PKP4: variants seen among roughly 807,000 people sequenced by gnomAD.
PKP4 encodes plakophilin 4, also known as plakophilin-4.
In PKP4, 90 loss-of-function variants were observed where a neutral mutation model predicts 145.1. The observed-to-expected ratio is 0.62, with a 90% CI of 0.52 to 0.74. PKP4 has a LOEUF of 0.74. PKP4 is among the 30% of genes least tolerant of loss of function. The probability of loss-of-function intolerance (pLI) is 0.00; values close to 1 mark genes in which losing one functional copy is unlikely to be tolerated. For synonymous variants in PKP4, 563 were observed against 577.2 expected (o/e 0.98, Z 0.35); for missense variants, 1,340 against 1,482.7 (o/e 0.90, Z 1.58).
At chr2:158,554,432 T>A (rs75053914) in intron 2 of PKP4, among the ~76,000 whole-genome samples, 1,701 of 21,492 alleles carry the variant, frequency 0.079, 34 homozygotes, top group African/African-American at 0.16. Flanking sequence ...TATTATTATT[T>A]TTTTTTTTTT....
At chr2:158,675,402 G>A (rs190483388) in intron 19 of PKP4, among the ~76,000 whole-genome samples, 38 of 151,942 alleles carry the variant, frequency 2.5e-4, no homozygotes, top group Middle Eastern at 3.4e-3. Flanking sequence ...TCTTCAATGT[G>A]GCCCAAGGAC....
At chr2:158,614,477 T>C (rs1379842874) in intron 4 of PKP4, among the ~76,000 whole-genome samples, 1 of 152,182 alleles carries the variant, frequency 6.6e-6, no homozygotes, top group Non-Finnish European at 1.5e-5. Flanking sequence ...TATTACTTAA[T>C]TTGTAGTTTC....
intron 15 of PKP4, among the ~76,000 whole-genome samples, chr2:158,663,696 T>G (rs1275224203): frequency 6.6e-6 from 1 of 152,062 alleles, no homozygotes; most frequent in Non-Finnish European, 1.5e-5. Context: ...GCCAGCACAG[T>G]GTAGAAGCCA....
At chr2:158,488,981 GA>G (rs1694556049) in intron 1 of PKP4, among the ~76,000 whole-genome samples, 1 of 152,188 alleles carries the variant, frequency 6.6e-6, no homozygotes, top group Non-Finnish European at 1.5e-5. Flanking sequence ...CAACCTTGGG[GA>G]AGGCATTACA....
At chr2:158,660,671 T>C (rs950012591) in intron 12 of PKP4, 4 of 152,454 alleles carry the variant, frequency 2.6e-5, no homozygotes, top group Admixed American at 6.5e-5. Flanking sequence ...TAAAAAAATT[T>C]AGACACAAAA....
intron 2 of PKP4, among the ~76,000 whole-genome samples, chr2:158,554,665 TC>T (rs1436092979): frequency 2.0e-5 from 3 of 152,150 alleles, no homozygotes; most frequent in African/African-American, 7.2e-5. Context: ...GACCTCGTGA[TC>T]CGCCTGCGTC....
chr2:158,522,942 C>T (rs1187765632), intron 1 of PKP4, among the ~76,000 whole-genome samples: 1 of 152,204 alleles, frequency 6.6e-6, no homozygotes, highest in Non-Finnish European at 1.5e-5. Context: ...AAACGGCGCA[C>T]CACCAGACTA....
intron 11 of PKP4, among the ~76,000 whole-genome samples, chr2:158,654,279 T>C (rs2105959276): frequency 6.6e-6 from 1 of 152,334 alleles, no homozygotes; most frequent in African/African-American, 2.4e-5. Context: ...GGTGGGTCCC[T>C]TGAACACCAC....
chr2:158,676,991 C>T (rs746444616), intron 20 of PKP4, 124 bp downstream of exon 20: 1 of 1,102,248 alleles, frequency 9.1e-7, no homozygotes, highest in Non-Finnish European at 1.4e-6. Flanking sequence ...AAACCATGTT[C>T]CAGTCATTCC....
In PKP4 at chr2:158,505,004, A is replaced by T. The variant is rs576088027; in HGVS notation, c.-5-28176A>T. Among the ~76,000 whole-genome samples the T allele has an allele frequency of 6.6e-5, 10 of 152,352 alleles. No homozygotes were observed. In the South Asian group the frequency reaches 2.1e-3, roughly 32 times the overall value. ...AAAGATGCTTCTTCCAAAGGAGAAA[A>T]TGGACAGAAGAGCTTAATAGTGTTT... On this transcript the variant is annotated intron_variant, in intron 1 of 21. Coordinates refer to ENST00000389759, the MANE Select transcript of PKP4 (RefSeq NM_003628.6).
intron 17 of PKP4, among the ~76,000 whole-genome samples, chr2:158,672,581 C>A (rs916612623): frequency 1.3e-5 from 2 of 152,174 alleles, no homozygotes; most frequent in African/African-American, 4.8e-5. Context: ...CCTGCTCCCC[C>A]AAATCTGTCT....
chr2:158,665,330 A>C (rs2056984614), intron 15 of PKP4, among the ~76,000 whole-genome samples: 1 of 152,204 alleles, frequency 6.6e-6, no homozygotes, highest in African/African-American at 2.4e-5. Flanking sequence ...TTCCCCCCAT[A>C]GATTTCATGT....
intron 3 of PKP4, among the ~76,000 whole-genome samples, chr2:158,596,773 C>T (rs2049790304): frequency 6.6e-6 from 1 of 152,132 alleles, no homozygotes; most frequent in South Asian, 2.1e-4. Flanking sequence ...GGAGAAATGT[C>T]AGATTTCTTA....
intron 20 of PKP4, among the ~76,000 whole-genome samples, chr2:158,677,933 T>TA (rs555223354): frequency 9.8e-4 from 149 of 152,236 alleles, no homozygotes; most frequent in African/African-American, 3.4e-3. Flanking sequence ...TTTTCCTCAT[T>TA]AAAAAAATAA....
At chr2:158,557,475 T>A (rs1308089187) in intron 2 of PKP4, among the ~76,000 whole-genome samples, 2 of 152,176 alleles carry the variant, frequency 1.3e-5, no homozygotes, top group African/African-American at 4.8e-5. Context: ...ACTAAAGTCA[T>A]CCTAGCAGCC....
chr2:158,633,588 G>A (rs145385285), intron 8 of PKP4, among the ~76,000 whole-genome samples: 20 of 152,268 alleles, frequency 1.3e-4, no homozygotes, highest in South Asian at 2.1e-4. Flanking sequence ...AATTGACCAC[G>A]GGTAACTGAA....
intron 1 of PKP4, among the ~76,000 whole-genome samples, chr2:158,515,400 TA>T (rs1170770168): frequency 6.6e-6 from 1 of 151,880 alleles, no homozygotes; most frequent in African/African-American, 2.4e-5. Flanking sequence ...GCTCAAAAAT[TA>T]TTTGAGCCCA....
chr2:158,671,424 T>C (rs2528591), intron 17 of PKP4, among the ~76,000 whole-genome samples: 69,412 of 151,870 alleles, frequency 0.46, 16,863 homozygotes, highest in South Asian at 0.66. Context: ...TAATCACTTA[T>C]GCTCTTAAAA....
intron 3 of PKP4, among the ~76,000 whole-genome samples, chr2:158,599,098 G>A (rs146123753): frequency 2.0e-5 from 3 of 152,222 alleles, no homozygotes; most frequent in African/African-American, 7.2e-5. Flanking sequence ...ATTTTATCCT[G>A]TATGGATCTG....
Sources: allele counts gnomAD v4.1 joint callset (sites outside exome capture counted in the v4.1 genomes callset), GRCh38; gene constraint gnomAD v4.1.1; transcripts MANE v1.5; gene names NCBI Gene and HGNC (gene_info 2026-07-23, HGNC 2026-07-21).